BZW2: variants seen among roughly 807,000 people sequenced by gnomAD.
BZW2 encodes basic leucine zipper and W2 domains 2, also known as eIF5-mimic protein 1.
Under a neutral mutation model 53.2 loss-of-function variants are expected in BZW2, and 23 were observed. The ratio of observed to expected loss-of-function variants is 0.43; its 90% confidence interval spans 0.31 to 0.61. The LOEUF is 0.61. Ranked by LOEUF, BZW2 falls within the 20% of genes least tolerant of loss-of-function variation. The probability of loss-of-function intolerance (pLI) is 0.09; values close to 1 mark genes in which losing one functional copy is unlikely to be tolerated. For synonymous variants in BZW2, 227 were observed against 186.4 expected, an observed-to-expected ratio of 1.22 and a Z score of -1.77; for missense variants, 409 against 503.1, an observed-to-expected ratio of 0.81 and a Z score of 1.79.
intron 1 of BZW2, among the ~76,000 whole-genome samples, chr7:16,664,155 T>C (rs770937079): frequency 3.8e-4 from 58 of 152,346 alleles, no homozygotes; most frequent in Non-Finnish European, 7.5e-4. Flanking sequence ...ATTTGAAAAG[T>C]ATTTATTATA....
chr7:16,695,077 C>CT, intron 8 of BZW2, 73 bp downstream of exon 8: 2 of 1,367,020 alleles, frequency 1.5e-6, no homozygotes, highest in Non-Finnish European at 1.9e-6. Flanking sequence ...GTAGCAAAGG[C>CT]TTTCCTTAAC....
chr7:16,657,675 GATAA>G (rs1782154610), intron 1 of BZW2, among the ~76,000 whole-genome samples: 1 of 152,040 alleles, frequency 6.6e-6, no homozygotes, highest in Non-Finnish European at 1.5e-5. Flanking sequence ...ACTATCTAGT[GATAA>G]ACTTTTTTTT....
Position 16,689,853 on chromosome 7 carries a change from G to A in BZW2, c.598G>A (p.Ala200Thr). Residue 200 changes from alanine to threonine, a missense_variant, in exon 7 of 12, where the codon GCC becomes ACC. By Grantham distance (58) the Ala-to-Thr change is moderately conservative. Coordinates refer to ENST00000258761, the MANE Select transcript of BZW2 (RefSeq NM_014038.3). ...LFKAWMAEKD[A>T]NSVTSSLRKA... is the part of the protein sequence containing the mutation. ...CAAAGCATGGATGGCAGAAAAAGAT[G>A]CCAACTCTGTTACCTCGTCTTTGAG... The A allele has an allele frequency of 6.2e-7, 1 of 1,612,176 alleles. No individual in the cohort carries two copies. The highest frequency in any genetic ancestry group is 8.5e-7 in the Non-Finnish European group (1 of 1,179,090).
At chr7:16,659,059 C>T (rs925128712) in intron 1 of BZW2, among the ~76,000 whole-genome samples, 2 of 149,932 alleles carry the variant, frequency 1.3e-5, no homozygotes, top group African/African-American at 2.4e-5. Context: ...CTCAAGAGTT[C>T]GAGACCAGCC....
At chr7:16,672,534 T>G (rs1168088185) in intron 2 of BZW2, among the ~76,000 whole-genome samples, 1 of 152,190 alleles carries the variant, frequency 6.6e-6, no homozygotes, top group Non-Finnish European at 1.5e-5. Context: ...CCTTTCTCTC[T>G]AGAGAGATCT....
chr7:16,671,346 T>C (rs1402969296), intron 2 of BZW2, among the ~76,000 whole-genome samples: 1 of 152,234 alleles, frequency 6.6e-6, no homozygotes, highest in Non-Finnish European at 1.5e-5. Context: ...GTTATTTTGT[T>C]ATCTCTTGAT....
At chr7:16,697,966 C>T in intron 9 of BZW2, 82 bp from the exon 10 acceptor site, 7 of 1,528,050 alleles carry the variant, frequency 4.6e-6, no homozygotes, top group African/African-American at 1.4e-5. Context: ...AGCAACCCTC[C>T]AGGTTACTGT....
At chr7:16,697,129 GT>G in intron 9 of BZW2, 68 bp downstream of exon 9, 1 of 1,544,654 alleles carries the variant, frequency 6.5e-7, no homozygotes, top group Non-Finnish European at 8.7e-7. Flanking sequence ...TTGTTTGTTT[GT>G]TTGTTTGAGA....
At chr7:16,648,811 T>A (rs893687751) in intron 1 of BZW2, among the ~76,000 whole-genome samples, 1 of 152,158 alleles carries the variant, frequency 6.6e-6, no homozygotes, top group African/African-American at 2.4e-5. Context: ...CCCTTCCCTT[T>A]TCACTGAATC....
chr7:16,657,157 T>C (rs1782144721), intron 1 of BZW2, among the ~76,000 whole-genome samples: 1 of 152,228 alleles, frequency 6.6e-6, no homozygotes, highest in African/African-American at 2.4e-5. Context: ...GTTAAAACGT[T>C]TTCACTTAAG....
chr7:16,670,810 TGCATAATGTTTTGCTTACA>T (rs1782576146), intron 2 of BZW2, among the ~76,000 whole-genome samples: 1 of 152,236 alleles, frequency 6.6e-6, no homozygotes, highest in South Asian at 2.1e-4. Flanking sequence ...TGTTCTTGAC[TGCATAATGTTTTGCTTACA>T]GCATCAAAAG....
At chr7:16,680,036 T>C (rs1256512648) in intron 3 of BZW2, among the ~76,000 whole-genome samples, 1 of 152,122 alleles carries the variant, frequency 6.6e-6, no homozygotes, top group Non-Finnish European at 1.5e-5. Flanking sequence ...TAAAATAATT[T>C]CTTCTAGCCA....
At chr7:16,655,407 A>G (rs1782099568) in intron 1 of BZW2, among the ~76,000 whole-genome samples, 1 of 152,076 alleles carries the variant, frequency 6.6e-6, no homozygotes, top group African/African-American at 2.4e-5. Context: ...ACATATAGTA[A>G]TTTTTCATAT....
At chr7:16,674,357 T>C (rs1782702813) in intron 2 of BZW2, 55 bp from the exon 3 acceptor site, 3 of 1,343,768 alleles carry the variant, frequency 2.2e-6, no homozygotes, top group South Asian at 1.6e-5. Context: ...TTGATTGTTA[T>C]ACTCTCAGTA....
At position 16,675,838 on chromosome 7, in the gene BZW2, G is replaced by C. The variant is rs1416534001; in HGVS notation, c.235+1250G>C. Among the ~76,000 whole-genome samples the C allele has an allele frequency of 3.3e-5, 5 of 152,220 alleles. No homozygotes were observed. The South Asian group carries it at 8.3e-4, about 25-fold the overall frequency. On this transcript the variant is annotated intron_variant, in intron 3 of 11. Transcript: ENST00000258761. ...CTCACGCCTGTAATCCCAACACTTTGGGAGGCTGAGGCGGGCGGATCACCT... is the reference window on the plus strand; with the variant it reads ...CTCACGCCTGTAATCCCAACACTTTCGGAGGCTGAGGCGGGCGGATCACCT...
chr7:16,679,540 A>G (rs1782874823), intron 3 of BZW2, among the ~76,000 whole-genome samples: 1 of 152,226 alleles, frequency 6.6e-6, no homozygotes, highest in Non-Finnish European at 1.5e-5. Flanking sequence ...CATAGAGGGG[A>G]TGATAAGCTA....
In BZW2 at chr7:16,685,876, C is replaced by CTTTTTTTTTTT. The variant is rs34699573; in HGVS notation, c.406-20_406-10dup. On this transcript the variant is annotated intron_variant, in intron 5 of 11. Transcript: ENST00000258761. ...TTCCTTTTTTTTTCTTTTTCTTTTT[C>CTTTTTTTTTTT]TTTTTTTTTTTTTTTTTTTGACCCA... 339 of 1,294,542 alleles carry CTTTTTTTTTTT rather than the reference C, an allele frequency of 2.6e-4. 2 individuals are homozygous for CTTTTTTTTTTT. The highest frequency in any genetic ancestry group is 1.3e-3 in the South Asian group (78 of 58,184). 80.2% of individuals were successfully genotyped at this position (1,294,542 alleles called of 1,614,324 possible). A position where few individuals can be genotyped will look rare whatever the true frequency, so the allele number is the denominator to read the frequency against.
At chr7:16,665,530 T>TGTGTG (rs775077821) in intron 2 of BZW2, 29 bp downstream of exon 2, 1 of 1,609,732 alleles carries the variant, frequency 6.2e-7, no homozygotes, top group African/African-American at 1.3e-5. Context: ...TGTGTGTGTG[T>TGTGTG]TTAAAGTTGT....
chr7:16,674,042 G>A (rs1476642810), intron 2 of BZW2, among the ~76,000 whole-genome samples: 7 of 152,130 alleles, frequency 4.6e-5, no homozygotes. Flanking sequence ...GGGATTACAG[G>A]CACCCACCAC....
Sources: allele counts gnomAD v4.1 joint callset (sites outside exome capture counted in the v4.1 genomes callset), GRCh38; gene constraint gnomAD v4.1.1; transcripts MANE v1.5; gene names NCBI Gene and HGNC (gene_info 2026-07-23, HGNC 2026-07-21).